GLIPR2: variants seen among roughly 807,000 people sequenced by gnomAD.
GLIPR2 encodes Golgi-associated plant pathogenesis-related protein 1.
A neutral mutation model predicts 20.4 loss-of-function variants in GLIPR2; 21 were observed. The observed-to-expected ratio is 1.03, with a 90% CI of 0.73 to 1.48. The LOEUF (loss-of-function observed/expected upper bound fraction) is 1.48, where lower values mean the gene tolerates loss of function less well. GLIPR2 is among the 40% of genes most tolerant of loss of function. The pLI is 0.00. For synonymous variants in GLIPR2, 91 were observed against 80.5 expected (o/e 1.13, Z -0.70); for missense variants, 205 against 200.1 (o/e 1.02, Z -0.15).
intron 4 of GLIPR2, among the ~76,000 whole-genome samples, chr9:36,154,101 T>TCCC (rs61572959): frequency 4.1e-4 from 57 of 137,384 alleles, no homozygotes; most frequent in African/African-American, 1.6e-3. Context: ...ATATATCTTT[T>TCCC]CCCCCCCCCT....
intron 1 of GLIPR2, among the ~76,000 whole-genome samples, chr9:36,140,231 A>T (rs1271939847): frequency 6.6e-6 from 1 of 152,074 alleles, no homozygotes; most frequent in Non-Finnish European, 1.5e-5. Context: ...CAGCTCTAAG[A>T]ATATTAGTGT....
Position 36,150,964 on chromosome 9 carries a change from C to A in GLIPR2, c.304+15C>A. 1 of 1,598,472 alleles carries A rather than the reference C, an allele frequency of 6.3e-7. No individual in the cohort carries two copies. The highest frequency in any genetic ancestry group is 8.6e-7 in the Non-Finnish European group (1 of 1,165,770). On this transcript the variant is annotated intron_variant, in intron 4 of 4. Transcript: ENST00000377960. Reference sequence around the variant, plus strand: ...CTCGGGGACTGGTGAGTGGCAGGGTCTCACCAGTGGCCTGGCCCTGGGCAG... The same window carrying A: ...CTCGGGGACTGGTGAGTGGCAGGGTATCACCAGTGGCCTGGCCCTGGGCAG...
At chr9:36,140,025 T>C (rs1389902071) in intron 1 of GLIPR2, among the ~76,000 whole-genome samples, 1 of 152,150 alleles carries the variant, frequency 6.6e-6, no homozygotes, top group East Asian at 1.9e-4. Context: ...ATCAACTCAT[T>C]CTATAGATTT....
intron 1 of GLIPR2, among the ~76,000 whole-genome samples, chr9:36,139,807 G>T (rs1252741597): frequency 6.6e-6 from 1 of 152,190 alleles, no homozygotes; most frequent in Non-Finnish European, 1.5e-5. Flanking sequence ...AAGACTCCCA[G>T]ATCCTGCTCC....
chr9:36,138,377 A>G (rs1257999509), intron 1 of GLIPR2, among the ~76,000 whole-genome samples: 1 of 152,062 alleles, frequency 6.6e-6, no homozygotes, highest in East Asian at 1.9e-4. Context: ...GGTGTGCGCC[A>G]CCACGCCCAG....
intron 3 of GLIPR2, among the ~76,000 whole-genome samples, chr9:36,149,341 C>T (rs1000293579): frequency 6.6e-6 from 1 of 152,210 alleles, no homozygotes; most frequent in Admixed American, 6.5e-5. Flanking sequence ...TCCCCAGCCT[C>T]ACATTCCTGG....
At chr9:36,153,633 G>A (rs1451050140) in intron 4 of GLIPR2, among the ~76,000 whole-genome samples, 1 of 152,114 alleles carries the variant, frequency 6.6e-6, no homozygotes, top group Admixed American at 6.6e-5. Context: ...AGGTGCGGTG[G>A]CTCACACCTG....
Position 36,138,961 on chromosome 9 carries a change from G to A in GLIPR2, c.13+2170G>A, listed in dbSNP as rs114240029. Among the ~76,000 whole-genome samples, 1,502 of 152,254 alleles carry A rather than the reference G, an allele frequency of 9.9e-3. 18 individuals are homozygous for A. Among genetic ancestry groups the A allele is most frequent in the African/African-American group, 0.035 (1,434 of 41,546 alleles). ...GATCTGAAAGCAGCGTAACTAGAGCGTTGCCAGGGTGTAGGGTAGATCGGA... is the reference window on the plus strand; with the variant it reads ...GATCTGAAAGCAGCGTAACTAGAGCATTGCCAGGGTGTAGGGTAGATCGGA... On this transcript the variant is annotated intron_variant, in intron 1 of 4. Coordinates refer to ENST00000377960, the MANE Select transcript of GLIPR2 (RefSeq NM_022343.4).
intron 1 of GLIPR2, among the ~76,000 whole-genome samples, chr9:36,137,792 A>T (rs1010157422): frequency 2.0e-5 from 3 of 152,186 alleles, no homozygotes; most frequent in Admixed American, 6.5e-5. Flanking sequence ...CTTCATCCGG[A>T]TTGTCCACTT....
At chr9:36,141,252 A>G (rs1234314660) in intron 1 of GLIPR2, among the ~76,000 whole-genome samples, 1 of 152,152 alleles carries the variant, frequency 6.6e-6, no homozygotes, top group Non-Finnish European at 1.5e-5. Context: ...CGTGTCCAAG[A>G]TCGCATGGCC....
Position 36,148,570 on chromosome 9 carries a change from C to T in GLIPR2, c.146C>T (p.Thr49Met), listed in dbSNP as rs201812895. 9.8e-5 allele frequency: 158 copies of T among 1,613,896 alleles called. No homozygotes were observed. The highest frequency in any genetic ancestry group is 1.6e-4 in the South Asian group (15 of 91,072). ...AQQYSEALAS[T>M]RILKHSPESS... ...AGGTATTCTGAGGCCCTGGCCAGCA[C>T]GAGGATCCTCAAGCACAGCCCGGAG... is the stretch of plus-strand genomic sequence containing the variant. Residue 49 changes from threonine (T) to methionine (M), a missense_variant, in exon 3 of 5, where the codon ACG (threonine) becomes ATG (methionine). Thr to Met is a moderately conservative substitution (Grantham distance 81). Coordinates refer to ENST00000377960, the MANE Select transcript of GLIPR2 (RefSeq NM_022343.4).
intron 4 of GLIPR2, among the ~76,000 whole-genome samples, chr9:36,157,114 T>C (rs1789367799): frequency 6.6e-6 from 1 of 151,458 alleles, no homozygotes; most frequent in South Asian, 2.1e-4. Context: ...CCTCCCGAGT[T>C]CAAGCGATTC....
intron 1 of GLIPR2, among the ~76,000 whole-genome samples, chr9:36,141,600 G>C (rs1825084234): frequency 6.6e-6 from 1 of 152,158 alleles, no homozygotes; most frequent in Non-Finnish European, 1.5e-5. Context: ...GGAAGAGCCT[G>C]TCTCAGCCAA....
chr9:36,141,768 C>T, intron 1 of GLIPR2: 1 of 451,056 alleles, frequency 2.2e-6, no homozygotes, highest in South Asian at 1.6e-5. Flanking sequence ...ATCCTCCCAT[C>T]TCAGTCTCCC....
rs527260147 is a variant in GLIPR2, at chr9:36,139,494, C to T, written c.13+2703C>T. Among the ~76,000 whole-genome samples, 2 of 152,260 alleles carry T rather than the reference C, an allele frequency of 1.3e-5. 1 individual carries two copies. Among genetic ancestry groups the T allele is most frequent in the Admixed American group, 1.3e-4 (2 of 15,302 alleles). On this transcript the variant is annotated intron_variant, in intron 1 of 4. Transcript: ENST00000377960. ...ATGACTTTTCTGGGTGACCCCGTGCCCAGTGGTCCTTCAACTCAAGCTCAA... is the reference window on the plus strand; with the variant it reads ...ATGACTTTTCTGGGTGACCCCGTGCTCAGTGGTCCTTCAACTCAAGCTCAA...
chr9:36,151,720 G>A (rs577750207), intron 4 of GLIPR2, among the ~76,000 whole-genome samples: 15 of 152,230 alleles, frequency 9.9e-5, no homozygotes, highest in East Asian at 5.8e-4. Context: ...CGAAAGCTCC[G>A]GGTGGCCACC....
At chr9:36,150,183 C>G (rs1825516337) in intron 3 of GLIPR2, among the ~76,000 whole-genome samples, 1 of 152,220 alleles carries the variant, frequency 6.6e-6, no homozygotes, top group South Asian at 2.1e-4. Context: ...GCAGTAGCAT[C>G]TGGAAGCAGA....
chr9:36,152,129 C>T (rs1825612134), intron 4 of GLIPR2, among the ~76,000 whole-genome samples: 1 of 152,216 alleles, frequency 6.6e-6, no homozygotes, highest in East Asian at 1.9e-4. Context: ...GAGGCAGAAG[C>T]ATCTGCTGAG....
intron 3 of GLIPR2, among the ~76,000 whole-genome samples, chr9:36,150,594 G>T (rs1825533185): frequency 1.3e-5 from 2 of 152,234 alleles, no homozygotes; most frequent in African/African-American, 4.8e-5. Flanking sequence ...TACACAGCAA[G>T]TCAGTGTGTA....
Sources: allele counts gnomAD v4.1 joint callset (sites outside exome capture counted in the v4.1 genomes callset), GRCh38; gene constraint gnomAD v4.1.1; transcripts MANE v1.5; gene names NCBI Gene and HGNC (gene_info 2026-07-23, HGNC 2026-07-21).